Variants in DGKG observed in about 807,000 individuals in gnomAD.
The protein encoded by DGKG is diacylglycerol kinase gamma.
DGKG carries 78 observed loss-of-function variants against 105.3 expected under a neutral mutation model. That is an observed-to-expected ratio of 0.74 (90% confidence interval 0.62 to 0.89). DGKG has a LOEUF of 0.89. DGKG is among the 40% of genes least tolerant of loss of function. The pLI is 0.00. For missense variants in DGKG, 958 were observed against 1,020.1 expected (o/e 0.94, Z 0.83); for synonymous variants, 346 against 367.1 (o/e 0.94, Z 0.66).
chr3:186,310,489 C>T (rs74573195), intron 2 of DGKG, among the ~76,000 whole-genome samples: 5,382 of 152,136 alleles, frequency 0.035, 306 homozygotes, highest in African/African-American at 0.12. Flanking sequence ...TACTTTATAA[C>T]AGTTTTCTTC....
intron 18 of DGKG, 120 bp downstream of exon 18, chr3:186,252,973 G>A (rs1038608276): frequency 2.5e-6 from 2 of 809,222 alleles, no homozygotes; most frequent in African/African-American, 3.4e-5. Flanking sequence ...TGACTGCAGA[G>A]TTGAGTATTA....
rs113525543 is a variant in DGKG, at chr3:186,232,348, G to A, written c.1826+10156C>T. Among the ~76,000 whole-genome samples the A allele has an allele frequency of 8.1e-4, 123 of 152,236 alleles. 1 individual carries two copies. Among genetic ancestry groups the A allele is most frequent in the Middle Eastern group, 6.8e-3 (2 of 294 alleles). On this transcript the variant is annotated intron_variant, in intron 20 of 24. Transcript: ENST00000265022. ...AGCATGATCTCAAGTCAATAAAATTGTGCAATTAAAATGCTGAAAGAAAAT... is the reference window on the plus strand; with the variant it reads ...AGCATGATCTCAAGTCAATAAAATTATGCAATTAAAATGCTGAAAGAAAAT...
intron 17 of DGKG, among the ~76,000 whole-genome samples, chr3:186,255,935 A>C (rs1721446215): frequency 6.6e-6 from 1 of 152,176 alleles, no homozygotes; most frequent in African/African-American, 2.4e-5. Context: ...AAAAAAACTA[A>C]TGTTTCTTCC....
At chr3:186,242,672 G>A in intron 19 of DGKG, 104 bp from the exon 20 acceptor site, 1 of 938,584 alleles carries the variant, frequency 1.1e-6, no homozygotes. Context: ...GCCAACCCTG[G>A]GACTCTATCT....
At chr3:186,296,927 G>A (rs1034659890) in intron 5 of DGKG, among the ~76,000 whole-genome samples, 38 of 152,130 alleles carry the variant, frequency 2.5e-4, no homozygotes, top group African/African-American at 7.7e-4. Context: ...ATTCAAAATA[G>A]TGTATATATG....
intron 21 of DGKG, among the ~76,000 whole-genome samples, chr3:186,189,351 C>T (rs1289773224): frequency 1.3e-5 from 2 of 152,216 alleles, no homozygotes; most frequent in Admixed American, 6.5e-5. Context: ...ATAAAGTCAG[C>T]CCACTTTGGC....
At chr3:186,200,749 C>G (rs1718416108) in intron 21 of DGKG, among the ~76,000 whole-genome samples, 1 of 152,214 alleles carries the variant, frequency 6.6e-6, no homozygotes, top group South Asian at 2.1e-4. Context: ...TGGAAAGTGG[C>G]TGCATCTGTG....
chr3:186,235,179 T>C (rs775073818), intron 20 of DGKG, among the ~76,000 whole-genome samples: 3 of 152,232 alleles, frequency 2.0e-5, no homozygotes, highest in Non-Finnish European at 4.4e-5. Flanking sequence ...TCTGTCAGAA[T>C]TGACTTGAAA....
At chr3:186,256,641 T>C (rs1560118191) in intron 17 of DGKG, among the ~76,000 whole-genome samples, 1 of 152,250 alleles carries the variant, frequency 6.6e-6, no homozygotes, top group African/African-American at 2.4e-5. Flanking sequence ...ATGCCCTATA[T>C]GTCCTAGTCA....
rs986881131 is a variant in DGKG at position 186,230,034 on chromosome 3, C to T, written c.1826+12470G>A. Among the ~76,000 whole-genome samples the T allele has an allele frequency of 4.6e-5, 7 of 152,128 alleles. No homozygotes were observed. The South Asian group carries it at 6.2e-4, about 14-fold the overall frequency. The stretch of plus-strand genomic sequence containing the variant: ...CAGCACTTTGGGAGGCCGAGGCGGG[C>T]GGATCACGAGGTCAGGAGATCAAGA... On this transcript the variant is annotated intron_variant, in intron 20 of 24. Coordinates refer to ENST00000265022, the MANE Select transcript of DGKG (RefSeq NM_001346.3).
intron 24 of DGKG, chr3:186,161,310 C>T (rs1174596258): frequency 2.1e-5 from 26 of 1,233,710 alleles, no homozygotes; most frequent in African/African-American, 3.1e-5. Flanking sequence ...GTCCAGGATA[C>T]AGTAGATGAA....
intron 10 of DGKG, among the ~76,000 whole-genome samples, chr3:186,272,805 G>T (rs565336777): frequency 6.6e-6 from 1 of 150,458 alleles, no homozygotes; most frequent in Non-Finnish European, 1.5e-5. Context: ...TGCAACCTCC[G>T]CCTCCCGGGT....
rs1171393870 is a variant in DGKG at position 186,311,901 on chromosome 3, G to T, written c.68-4924C>A. Among the ~76,000 whole-genome samples the T allele has an allele frequency of 3.9e-5, 5 of 129,152 alleles. 1 individual carries two copies. Among genetic ancestry groups the T allele is most frequent in the African/African-American group, 2.4e-4 (5 of 20,662 alleles). 84.7% of individuals were successfully genotyped at this position (129,152 alleles called of 152,430 possible). A position where few individuals can be genotyped will look rare whatever the true frequency, so the allele number is the denominator to read the frequency against. On this transcript the variant is annotated intron_variant, in intron 2 of 24. Transcript: ENST00000265022. Reference sequence around the variant, plus strand: ...GGAGGCCGAGGCGGGTGGATCATGAGGTCAGGAGATCGAGACCATCCTGGC... The same window carrying T: ...GGAGGCCGAGGCGGGTGGATCATGATGTCAGGAGATCGAGACCATCCTGGC...
chr3:186,155,184 G>GTTTTGT (rs1553795778), intron 24 of DGKG, among the ~76,000 whole-genome samples: 1 of 151,930 alleles, frequency 6.6e-6, no homozygotes, highest in East Asian at 1.9e-4. Flanking sequence ...TTTTGGTTTT[G>GTTTTGT]TTTTGTTTTT....
intron 21 of DGKG, among the ~76,000 whole-genome samples, chr3:186,209,131 C>CT (rs1718903187): frequency 9.0e-6 from 1 of 110,790 alleles, no homozygotes; most frequent in Non-Finnish European, 1.7e-5. Flanking sequence ...CGGCGTCTTT[C>CT]TCTGTCTTGC....
intron 1 of DGKG, among the ~76,000 whole-genome samples, chr3:186,360,538 C>G (rs1047332324): frequency 2.6e-5 from 4 of 152,052 alleles, no homozygotes; most frequent in African/African-American, 9.7e-5. Context: ...AGTTAAGTAC[C>G]TTCCCATGTT....
chr3:186,353,658 C>CTATATCTA (rs1157884605), intron 1 of DGKG, among the ~76,000 whole-genome samples: 14 of 122,870 alleles, frequency 1.1e-4, no homozygotes, highest in Admixed American at 8.5e-4. Context: ...ATGTCTATGT[C>CTATATCTA]TATATCTATA....
At chr3:186,308,412 C>A (rs556441793) in intron 2 of DGKG, among the ~76,000 whole-genome samples, 2 of 152,208 alleles carry the variant, frequency 1.3e-5, no homozygotes, top group East Asian at 3.9e-4. Context: ...TTCCAAGCTC[C>A]ATTATTGTTG....
chr3:186,221,642 C>T (rs938890332), intron 20 of DGKG, among the ~76,000 whole-genome samples: 2 of 152,222 alleles, frequency 1.3e-5, no homozygotes, highest in African/African-American at 2.4e-5. Flanking sequence ...GCCCTGGGAA[C>T]TGGTATCTGA....
Sources: allele counts gnomAD v4.1 joint callset (sites outside exome capture counted in the v4.1 genomes callset), GRCh38; gene constraint gnomAD v4.1.1; transcripts MANE v1.5; gene names NCBI Gene and HGNC (gene_info 2026-07-23, HGNC 2026-07-21).